Variants in SBF2 observed in about 807,000 individuals in gnomAD.
The protein encoded by SBF2 is SET binding factor 2.
A neutral mutation model predicts 225.2 loss-of-function variants in SBF2; 112 were observed. That is an observed-to-expected ratio of 0.50 (90% CI 0.43 to 0.58). The LOEUF (loss-of-function observed/expected upper bound fraction) is 0.58, where lower values mean the gene tolerates loss of function less well. Among genes scored for constraint, SBF2 ranks in the 20% least tolerant of loss-of-function variants. SBF2 has a pLI of 0.00. For synonymous variants in SBF2, 763 were observed against 773.3 expected, an observed-to-expected ratio of 0.99 and a Z score of 0.22; for missense variants, 1,996 against 2,206.2, an observed-to-expected ratio of 0.90 and a Z score of 1.91.
At chr11:9,846,817 G>T (rs1309687113) in intron 23 of SBF2, 139 bp downstream of exon 23, 3 of 948,870 alleles carry the variant, frequency 3.2e-6, no homozygotes, top group African/African-American at 3.2e-5. Context: ...CTCAGCTGAT[G>T]ACTACCCTCT....
intron 2 of SBF2, among the ~76,000 whole-genome samples, chr11:10,084,154 A>G (rs1000978666): frequency 6.6e-6 from 1 of 152,200 alleles, no homozygotes; most frequent in Non-Finnish European, 1.5e-5. Context: ...TAAGAACAAA[A>G]CAAAACAAAA....
chr11:10,187,816 T>C (rs1284331632), intron 2 of SBF2, among the ~76,000 whole-genome samples: 2 of 152,210 alleles, frequency 1.3e-5, no homozygotes, highest in African/African-American at 4.8e-5. Context: ...TTACAAAAGC[T>C]AGCATTACCT....
chr11:9,983,070 C>T (rs1423452982), intron 13 of SBF2, among the ~76,000 whole-genome samples: 1 of 152,144 alleles, frequency 6.6e-6, no homozygotes, highest in South Asian at 2.1e-4. Flanking sequence ...GGGTGAGAAG[C>T]CCCGGGGGTG....
intron 2 of SBF2, among the ~76,000 whole-genome samples, chr11:10,061,398 AACT>A (rs1302929916): frequency 1.3e-5 from 2 of 152,310 alleles, no homozygotes; most frequent in Non-Finnish European, 2.9e-5. Context: ...GAGGAAGTCA[AACT>A]ATATCTGTTT....
At chr11:9,805,886 G>T (rs1219496992) in intron 32 of SBF2, among the ~76,000 whole-genome samples, 1 of 152,188 alleles carries the variant, frequency 6.6e-6, no homozygotes, top group Non-Finnish European at 1.5e-5. Flanking sequence ...CTCCCAAAGT[G>T]CTGGGATTAC....
intron 9 of SBF2, among the ~76,000 whole-genome samples, chr11:9,994,454 G>A (rs1361458311): frequency 2.2e-4 from 33 of 147,640 alleles, no homozygotes; most frequent in African/African-American, 3.5e-4. Context: ...CAGCCTGGGC[G>A]ACAGAGCGAG....
intron 2 of SBF2, among the ~76,000 whole-genome samples, chr11:10,166,114 C>T (rs1043901564): frequency 6.6e-6 from 1 of 152,176 alleles, no homozygotes; most frequent in African/African-American, 2.4e-5. Flanking sequence ...AATACCTTGA[C>T]TAGCACATAA....
chr11:10,140,526 C>G (rs770084731), intron 2 of SBF2, among the ~76,000 whole-genome samples: 1 of 152,156 alleles, frequency 6.6e-6, no homozygotes, highest in African/African-American at 2.4e-5. Context: ...GTCTCTCCCC[C>G]TTAAGTGTCC....
intron 13 of SBF2, among the ~76,000 whole-genome samples, chr11:9,969,878 C>A (rs1252703893): frequency 1.3e-5 from 2 of 152,232 alleles, no homozygotes; most frequent in Non-Finnish European, 2.9e-5. Flanking sequence ...AGCAGGCACT[C>A]TAAAGCTCTT....
chr11:9,959,367 C>T (rs1367343937), intron 16 of SBF2: 3 of 792,666 alleles, frequency 3.8e-6, no homozygotes, highest in Non-Finnish European at 6.9e-6. Flanking sequence ...GAAGGCCAAC[C>T]AAAGGGGTGC....
Position 9,871,237 on chromosome 11 carries a change from A to C in SBF2, c.1930-12841T>G, listed in dbSNP as rs184644598. ...CTACAGAATGGGAGAAAATTTTTGC[A>C]ATCTATCCATCTGACGAAGATCTAA... On this transcript the variant is annotated intron_variant, in intron 17 of 39. Transcript: ENST00000256190. 6.6e-3 allele frequency among the ~76,000 whole-genome samples: 1,010 copies of C among 152,050 alleles called. 13 individuals carry two copies. The highest frequency in any genetic ancestry group is 0.023 in the African/African-American group (962 of 41,540).
chr11:9,810,932 T>G (rs575623016), intron 30 of SBF2: 1 of 152,240 alleles, frequency 6.6e-6, no homozygotes, highest in Non-Finnish European at 1.5e-5. Flanking sequence ...TGCTGTACTA[T>G]TCACAATAGC....
chr11:9,949,348 A>G (rs952492083), intron 16 of SBF2, among the ~76,000 whole-genome samples: 1 of 152,140 alleles, frequency 6.6e-6, no homozygotes, highest in African/African-American at 2.4e-5. Context: ...CACTAATAAC[A>G]TTGTTAATAG....
chr11:10,225,730 A>G (rs753662682), intron 1 of SBF2, among the ~76,000 whole-genome samples: 1 of 152,152 alleles, frequency 6.6e-6, no homozygotes. Context: ...ACTTCTAACT[A>G]TCTCACGGGA....
intron 33 of SBF2, chr11:9,790,908 G>T (rs951539211): frequency 2.1e-5 from 9 of 423,988 alleles, no homozygotes; most frequent in Middle Eastern, 7.0e-4. Context: ...GATAAAGTTT[G>T]CCTAAGCAGC....
At chr11:9,804,850 G>A (rs1440957240) in intron 32 of SBF2, among the ~76,000 whole-genome samples, 10 of 152,126 alleles carry the variant, frequency 6.6e-5, no homozygotes, top group African/African-American at 2.4e-4. Flanking sequence ...ATCGGTTGAT[G>A]GACATTTGGT....
chr11:10,239,062 G>A (rs1959174451), intron 1 of SBF2, among the ~76,000 whole-genome samples: 1 of 150,712 alleles, frequency 6.6e-6, no homozygotes, highest in Non-Finnish European at 1.5e-5. Context: ...ACACATATAT[G>A]TTTATGTGTA....
chr11:10,051,711 A>G (rs1276695611), intron 2 of SBF2, among the ~76,000 whole-genome samples: 1 of 152,148 alleles, frequency 6.6e-6, no homozygotes, highest in Non-Finnish European at 1.5e-5. Flanking sequence ...AAAATACAGT[A>G]ACATAGACAT....
At chr11:9,915,480 A>T (rs1863007958) in intron 16 of SBF2, 1 of 151,832 alleles carries the variant, frequency 6.6e-6, no homozygotes, top group South Asian at 2.1e-4. Flanking sequence ...TCTAGCTGAT[A>T]AACTGCTTCC....
Sources: gnomAD v4.1 joint callset for allele counts (sites outside exome capture counted in the v4.1 genomes callset) on GRCh38, gnomAD v4.1.1 for gene constraint, MANE v1.5 for transcripts, NCBI Gene and HGNC (gene_info 2026-07-23, HGNC 2026-07-21) for gene names.